Variants in NFIC observed in about 807,000 individuals in gnomAD.
NFIC encodes nuclear factor 1 C-type.
NFIC carries 12 observed loss-of-function variants against 54.4 expected under a neutral mutation model. The observed-to-expected ratio is 0.22, with a 90% CI of 0.14 to 0.36. NFIC has a LOEUF of 0.36. NFIC is among the 10% of genes least tolerant of loss of function. NFIC has a pLI of 1.00. For synonymous variants in NFIC, 322 were observed against 319.2 expected, an observed-to-expected ratio of 1.01 and a Z score of -0.09; for missense variants, 575 against 718.2, an observed-to-expected ratio of 0.80 and a Z score of 2.28.
chr19:3,431,442 C>T (rs1477618181), intron 3 of NFIC, among the ~76,000 whole-genome samples: 1 of 140,312 alleles, frequency 7.1e-6, no homozygotes, highest in Non-Finnish European at 1.5e-5. Context: ...AATCATAGCT[C>T]ACTGCAGCCT....
chr19:3,451,295 G>A (rs1011027883), intron 7 of NFIC, among the ~76,000 whole-genome samples: 1 of 152,164 alleles, frequency 6.6e-6, no homozygotes, highest in African/African-American at 2.4e-5. Context: ...GGGGCTGGGG[G>A]AGGAGGTGAG....
chr19:3,441,408 C>T (rs777258150), intron 6 of NFIC, among the ~76,000 whole-genome samples: 3 of 152,242 alleles, frequency 2.0e-5, no homozygotes, highest in Non-Finnish European at 4.4e-5. Context: ...CCCTGGCCAT[C>T]AGTTGACAAG....
intron 2 of NFIC, among the ~76,000 whole-genome samples, chr19:3,391,916 A>G (rs1164861401): frequency 3.3e-5 from 5 of 152,186 alleles, no homozygotes; most frequent in Non-Finnish European, 5.9e-5. Context: ...TATTGTCGTT[A>G]TCATGATCGT....
At chr19:3,425,304 A>T in intron 3 of NFIC, 127 bp downstream of exon 3, 4 of 1,118,354 alleles carry the variant, frequency 3.6e-6, no homozygotes, top group East Asian at 2.7e-5. Flanking sequence ...GGAGAGGTTA[A>T]GGGGCCTGTC....
intron 2 of NFIC, among the ~76,000 whole-genome samples, chr19:3,417,379 CA>C (rs1225771572): frequency 6.6e-6 from 1 of 152,096 alleles, no homozygotes; most frequent in Non-Finnish European, 1.5e-5. Context: ...CTTGGTTGAC[CA>C]ACCTTACAAA....
Position 3,465,151 on chromosome 19 carries a change from T to TAAAAAAAAAA in NFIC, c.*2396_*2405dup, listed in dbSNP as rs59668846. ...CCCCCTCCACCCCCCACTTCCTCTTTAAAAAAAAAAAAAAAAAAAAAAAGA... is the reference window on the plus strand; with the variant it reads ...CCCCCTCCACCCCCCACTTCCTCTTTAAAAAAAAAAAAAAAAAAAAAAAAAAAAAAAAAGA... On this transcript the variant is annotated 3_prime_UTR_variant, in exon 11 of 11. Coordinates refer to ENST00000443272, the MANE Select transcript of NFIC (RefSeq NM_001245002.2). The TAAAAAAAAAA allele has an allele frequency of 1.5e-5, 1 of 68,060 alleles. No homozygotes were observed. The highest frequency in any genetic ancestry group is 7.4e-5 in the African/African-American group (1 of 13,464). 4.2% of individuals were successfully genotyped at this position (68,060 alleles called of 1,614,324 possible). A position where few individuals can be genotyped will look rare whatever the true frequency, so the allele number is the denominator to read the frequency against.
At position 3,463,580 on chromosome 19, in the gene NFIC, C is replaced by T; in HGVS notation, c.*811C>T. The T allele has an allele frequency of 1.0e-6, 1 of 985,206 alleles. No homozygotes were observed. The highest frequency in any genetic ancestry group is 1.2e-6 in the Non-Finnish European group (1 of 829,840). 61.0% of individuals were successfully genotyped at this position (985,206 alleles called of 1,614,324 possible). A position where few individuals can be genotyped will look rare whatever the true frequency, so the allele number is the denominator to read the frequency against. ...TGGGGACTCTTTCAGCCCTCGCGCC[C>T]GCCCGTTTGGGAGGAGAAGTCTCTA... On this transcript the variant is annotated 3_prime_UTR_variant, in exon 11 of 11. Coordinates refer to ENST00000443272, the MANE Select transcript of NFIC (RefSeq NM_001245002.2).
At chr19:3,443,940 C>T (rs766267457) in intron 6 of NFIC, among the ~76,000 whole-genome samples, 1 of 152,358 alleles carries the variant, frequency 6.6e-6, no homozygotes, top group African/African-American at 2.4e-5. Context: ...GGGCCTCTGT[C>T]CACTCCACAC....
In NFIC at chr19:3,452,062, T is replaced by G. The variant is rs961131747; in HGVS notation, c.1085-420T>G. On this transcript the variant is annotated intron_variant, in intron 7 of 10. Coordinates refer to ENST00000443272, the MANE Select transcript of NFIC (RefSeq NM_001245002.2). This position sits in a 1 kb window ranked among gnomAD's most constrained non-coding sequence, Gnocchi z 5.3. Reference sequence around the variant, plus strand: ...CCAGGAGGTGGAGGTTGCAGTGAGCTGAGGTCATACCACTGCACTCCAGCC... The same window carrying G: ...CCAGGAGGTGGAGGTTGCAGTGAGCGGAGGTCATACCACTGCACTCCAGCC... Among the ~76,000 whole-genome samples the G allele has an allele frequency of 7.2e-6, 1 of 138,810 alleles. No homozygotes were observed. The highest frequency in any genetic ancestry group is 1.5e-5 in the Non-Finnish European group (1 of 66,108). The allele number at this position is 138,810 out of a possible 152,430, so 91.1% of individuals were successfully genotyped here.
In NFIC at chr19:3,467,624, C is replaced by T. The variant is rs1322554020; in HGVS notation, c.*4855C>T. On this transcript the variant is annotated 3_prime_UTR_variant, in exon 11 of 11. Coordinates refer to ENST00000443272, the MANE Select transcript of NFIC (RefSeq NM_001245002.2). ...AGGCACAGACAGACTTGGCTGCACC[C>T]CACTGTCCCTTGCAAGACAGGTTCT... 6.6e-6 allele frequency: 1 copy of T among 151,322 alleles called. No individual in the cohort carries two copies. Among genetic ancestry groups the T allele is most frequent in the African/African-American group, 2.4e-5 (1 of 41,030 alleles). 9.4% of individuals were successfully genotyped at this position (151,322 alleles called of 1,614,324 possible).
intron 1 of NFIC, among the ~76,000 whole-genome samples, chr19:3,373,795 C>G (rs1432628666): frequency 6.6e-6 from 1 of 152,202 alleles, no homozygotes; most frequent in Non-Finnish European, 1.5e-5. Flanking sequence ...AGGTCCCTGC[C>G]AAGTCCTCGG....
chr19:3,371,241 G>A (rs574682980), intron 1 of NFIC, among the ~76,000 whole-genome samples: 5 of 151,708 alleles, frequency 3.3e-5, no homozygotes, highest in African/African-American at 7.3e-5. Context: ...CCCCACCCCC[G>A]GACCGTTTCT....
intron 9 of NFIC, 39 bp from the exon 10 acceptor site, chr19:3,456,511 C>CCCTCGCTAACGGGCTCT: frequency 6.5e-7 from 1 of 1,546,370 alleles, no homozygotes; most frequent in Non-Finnish European, 8.7e-7. Flanking sequence ...CTCCCACAAC[C>CCCTCGCTAACGGGCTCT]CCTCGCTAAC....
chr19:3,388,084 C>T (rs917227516), intron 2 of NFIC, among the ~76,000 whole-genome samples: 1 of 152,166 alleles, frequency 6.6e-6, no homozygotes, highest in African/African-American at 2.4e-5. Context: ...CTGACGCCGC[C>T]ATGGGCCAGC....
Position 3,468,197 on chromosome 19 carries a change from C to A in NFIC, c.*5428C>A, listed in dbSNP as rs1476522809. 1.4e-5 allele frequency: 2 copies of A among 147,806 alleles called. No individual in the cohort carries two copies. Among genetic ancestry groups the A allele is most frequent in the African/African-American group, 2.5e-5 (1 of 40,014 alleles). The allele number at this position is 147,806 out of a possible 1,614,324, so 9.2% of individuals were successfully genotyped here. ...TTGGGATTCTCCTGCCCCACCCCCC[C>A]GTCCATGGCAGCCCCCTCCCCAAGG... On this transcript the variant is annotated 3_prime_UTR_variant, in exon 11 of 11. Transcript: ENST00000443272.
intron 2 of NFIC, among the ~76,000 whole-genome samples, chr19:3,393,003 C>G (rs34648519): frequency 6.6e-6 from 1 of 151,588 alleles, no homozygotes; most frequent in Non-Finnish European, 1.5e-5. Flanking sequence ...TACAGTGGCG[C>G]GATCTCGGCT....
At chr19:3,401,723 T>C (rs74560293) in intron 2 of NFIC, among the ~76,000 whole-genome samples, 5 of 25,322 alleles carry the variant, frequency 2.0e-4, no homozygotes, top group Non-Finnish European at 9.3e-4. Context: ...GTTATTCTCT[T>C]TTTTTTTCTC....
chr19:3,427,922 C>T (rs750163133), intron 3 of NFIC, among the ~76,000 whole-genome samples: 1 of 151,350 alleles, frequency 6.6e-6, no homozygotes, highest in Non-Finnish European at 1.5e-5. Context: ...GTAATCCCAG[C>T]ACTTTGGGGG....
At chr19:3,378,887 C>A (rs2081151758) in intron 1 of NFIC, among the ~76,000 whole-genome samples, 1 of 152,060 alleles carries the variant, frequency 6.6e-6, no homozygotes, top group Admixed American at 6.6e-5. Context: ...ATTTCTCCTC[C>A]CTCTGATTAA....
Sources: gnomAD v4.1 joint callset for allele counts (sites outside exome capture counted in the v4.1 genomes callset) on GRCh38, gnomAD v4.1.1 for gene constraint, Gnocchi (gnomAD v3.1) non-coding constraint, MANE v1.5 for transcripts, NCBI Gene and HGNC (gene_info 2026-07-23, HGNC 2026-07-21) for gene names.